Variants in SYT13 observed in about 807,000 individuals in gnomAD.
The protein encoded by SYT13 is synaptotagmin-13.
In SYT13, 21 loss-of-function variants were observed where a neutral mutation model predicts 38.6. The ratio of observed to expected loss-of-function variants is 0.54; its 90% CI spans 0.39 to 0.78. The LOEUF (loss-of-function observed/expected upper bound fraction) is 0.78, where lower values mean the gene tolerates loss of function less well. SYT13 is among the 30% of genes least tolerant of loss of function. The pLI, the probability that SYT13 is intolerant of heterozygous loss-of-function variation, is 0.00. For missense variants in SYT13, 495 were observed against 548.7 expected (o/e 0.90, Z 0.98); for synonymous variants, 241 against 237.6 (o/e 1.01, Z -0.13).
intron 4 of SYT13, among the ~76,000 whole-genome samples, chr11:45,251,537 G>A (rs930298966): frequency 1.3e-5 from 2 of 152,018 alleles, no homozygotes; most frequent in African/African-American, 4.8e-5. Flanking sequence ...GATCAGTATA[G>A]CACTGCCAAT....
intron 1 of SYT13, among the ~76,000 whole-genome samples, chr11:45,285,049 A>G (rs953726694): frequency 6.6e-5 from 10 of 152,192 alleles, no homozygotes; most frequent in African/African-American, 2.4e-4. Context: ...CATACAGTCT[A>G]TAAGGGATCT....
chr11:45,249,683 G>C (rs556701857), intron 4 of SYT13, among the ~76,000 whole-genome samples: 1 of 152,242 alleles, frequency 6.6e-6, no homozygotes, highest in East Asian at 1.9e-4. Flanking sequence ...CTCACTCTTA[G>C]GTGGGAATTG....
intron 4 of SYT13, among the ~76,000 whole-genome samples, chr11:45,246,818 A>T (rs1048371746): frequency 6.6e-6 from 1 of 152,186 alleles, no homozygotes; most frequent in Non-Finnish European, 1.5e-5. Flanking sequence ...AGCAGCGGGG[A>T]GGAGGCCAGA....
At chr11:45,272,670 T>C (rs966982040) in intron 1 of SYT13, among the ~76,000 whole-genome samples, 1 of 152,232 alleles carries the variant, frequency 6.6e-6, no homozygotes, top group Admixed American at 6.5e-5. Context: ...GATTTGATCA[T>C]GGAAGGTCAG....
At chr11:45,259,161 C>T (rs1854786337) in intron 1 of SYT13, among the ~76,000 whole-genome samples, 1 of 152,190 alleles carries the variant, frequency 6.6e-6, no homozygotes, top group South Asian at 2.1e-4. Context: ...CCCACTGCCA[C>T]TCCCTCCCAT....
intron 1 of SYT13, among the ~76,000 whole-genome samples, chr11:45,276,702 G>A (rs1855014446): frequency 7.1e-6 from 1 of 140,982 alleles, no homozygotes; most frequent in East Asian, 2.0e-4. Flanking sequence ...CACCCAGTAG[G>A]ATGACTTTTT....
chr11:45,257,675 TTCTGCCCTGGTTGAGAC>T (rs1367541698), intron 1 of SYT13, among the ~76,000 whole-genome samples: 4 of 152,246 alleles, frequency 2.6e-5, no homozygotes, highest in South Asian at 2.1e-4. Flanking sequence ...ATCCTGGACA[TTCTGCCCTGGTTGAGAC>T]TCTGTCCCCA....
intron 5 of SYT13, 151 bp from the exon 6 acceptor site, chr11:45,244,507 G>C (rs1854592041): frequency 5.3e-6 from 5 of 947,324 alleles, no homozygotes; most frequent in Non-Finnish European, 7.6e-6. Context: ...AAACATCTTA[G>C]AGGCCTCAGT....
At chr11:45,282,613 C>A (rs774549060) in intron 1 of SYT13, among the ~76,000 whole-genome samples, 2 of 152,160 alleles carry the variant, frequency 1.3e-5, no homozygotes, top group Non-Finnish European at 2.9e-5. Flanking sequence ...GAGTGTAAAT[C>A]TAATGTGAAC....
chr11:45,286,317 G>T lies in SYT13; in HGVS notation c.-110C>A, dbSNP rs1272777924. ...CGGGCGAGCCAGCAGCTCTCCCGCCGCCAGAGGGGCGGGGACGGAGGGAGG... is the reference window on the plus strand; with the variant it reads ...CGGGCGAGCCAGCAGCTCTCCCGCCTCCAGAGGGGCGGGGACGGAGGGAGG... On this transcript the variant is annotated 5_prime_UTR_variant, in exon 1 of 6. Coordinates refer to ENST00000020926, the MANE Select transcript of SYT13 (RefSeq NM_020826.3). 1.6e-6 allele frequency: 2 copies of T among 1,276,294 alleles called. No homozygotes were observed. Among genetic ancestry groups the T allele is most frequent in the Non-Finnish European group, 2.1e-6 (2 of 963,340 alleles). The allele number at this position is 1,276,294 out of a possible 1,614,324, so 79.1% of individuals were successfully genotyped here. A position where few individuals can be genotyped will look rare whatever the true frequency, so the allele number is the denominator to read the frequency against.
chr11:45,244,248 A>T lies in SYT13; in HGVS notation c.1085T>A (p.Phe362Tyr). The T allele has an allele frequency of 6.2e-7, 1 of 1,614,060 alleles. No individual in the cohort carries two copies. The highest frequency in any genetic ancestry group is 8.5e-7 in the Non-Finnish European group (1 of 1,180,042). ...INPVWNEMIM[F>Y]ELPDDLLQAS... Reference sequence around the variant, plus strand: ...CTGCAGCAGGTCGTCAGGCAGCTCAAACATGATCATCTCGTTCCACACGGG... The same window carrying T: ...CTGCAGCAGGTCGTCAGGCAGCTCATACATGATCATCTCGTTCCACACGGG... Residue 362 changes from phenylalanine (F) to tyrosine (Y), a missense_variant, in exon 6 of 6, where the codon TTT becomes TAT. By Grantham distance (22) the Phe-to-Tyr change is conservative. Transcript: ENST00000020926.
At chr11:45,266,118 G>A (rs1854878310) in intron 1 of SYT13, among the ~76,000 whole-genome samples, 1 of 152,264 alleles carries the variant, frequency 6.6e-6, no homozygotes, top group East Asian at 1.9e-4. Flanking sequence ...ATGCTGAATT[G>A]GGCTTTCTGG....
intron 4 of SYT13, among the ~76,000 whole-genome samples, chr11:45,247,405 T>C (rs116266505): frequency 0.021 from 3,190 of 152,236 alleles, 78 homozygotes; most frequent in African/African-American, 0.058. Context: ...AAGAGGCAGA[T>C]GTGTGGCCTG....
At chr11:45,267,602 A>G (rs141622193) in intron 1 of SYT13, among the ~76,000 whole-genome samples, 1 of 152,232 alleles carries the variant, frequency 6.6e-6, no homozygotes, top group Non-Finnish European at 1.5e-5. Context: ...TAAGCTGCTC[A>G]CAGGCACGGC....
intron 1 of SYT13, among the ~76,000 whole-genome samples, chr11:45,275,456 G>T (rs1056188217): frequency 6.6e-6 from 1 of 152,132 alleles, no homozygotes; most frequent in Non-Finnish European, 1.5e-5. Flanking sequence ...AAAACATGGT[G>T]ATTAGCAGAT....
chr11:45,245,017 A>T (rs550057372), intron 5 of SYT13, among the ~76,000 whole-genome samples: 1 of 152,208 alleles, frequency 6.6e-6, no homozygotes, highest in Non-Finnish European at 1.5e-5. Context: ...TGGTGTAAGC[A>T]TGTTTGTCTG....
At chr11:45,254,687 A>G in intron 2 of SYT13, 1 of 324,686 alleles carries the variant, frequency 3.1e-6, no homozygotes, top group Non-Finnish European at 5.6e-6. Flanking sequence ...TAAAACGCCT[A>G]CATATTCTTT....
At chr11:45,275,643 A>T (rs1394232925) in intron 1 of SYT13, among the ~76,000 whole-genome samples, 1 of 152,164 alleles carries the variant, frequency 6.6e-6, no homozygotes, top group Non-Finnish European at 1.5e-5. Flanking sequence ...CCTTTATCTA[A>T]TGAATTGGGA....
At position 45,242,477 on chromosome 11, in the gene SYT13, G is replaced by A. The variant is rs1835104187; in HGVS notation, c.*1575C>T. 2 of 152,366 alleles carry A rather than the reference G, an allele frequency of 1.3e-5. No homozygotes were observed. Among genetic ancestry groups the A allele is most frequent in the South Asian group, 2.1e-4 (1 of 4,826 alleles). The allele number at this position is 152,366 out of a possible 1,614,324, so 9.4% of individuals were successfully genotyped here. On this transcript the variant is annotated 3_prime_UTR_variant, in exon 6 of 6. Coordinates refer to ENST00000020926, the MANE Select transcript of SYT13 (RefSeq NM_020826.3). ...CCAGCTACCCAGGAGGCTGAGAGAGGAGAATCGCTTGAACTTGGGAGGCGG... is the reference window on the plus strand; with the variant it reads ...CCAGCTACCCAGGAGGCTGAGAGAGAAGAATCGCTTGAACTTGGGAGGCGG...
Sources: allele counts gnomAD v4.1 joint callset (sites outside exome capture counted in the v4.1 genomes callset), GRCh38; gene constraint gnomAD v4.1.1; transcripts MANE v1.5; gene names NCBI Gene and HGNC (gene_info 2026-07-23, HGNC 2026-07-21).